The following GRM8 variants were observed in gnomAD, a reference collection of about 807,000 sequenced individuals.
GRM8 encodes the protein glutamate metabotropic receptor 8, also known as metabotropic glutamate receptor 8.
Under a neutral mutation model 87.2 loss-of-function variants are expected in GRM8, and 47 were observed. That is an observed-to-expected ratio of 0.54 (90% CI 0.43 to 0.69). The LOEUF is 0.69. Ranked by LOEUF, GRM8 falls within the 30% of genes least tolerant of loss-of-function variation. The pLI, the probability that GRM8 is intolerant of heterozygous loss-of-function variation, is 0.00. For missense variants in GRM8, 1,019 were observed against 1,139.2 expected, an observed-to-expected ratio of 0.89 and a Z score of 1.52; for synonymous variants, 396 against 404.5, an observed-to-expected ratio of 0.98 and a Z score of 0.25.
At chr7:126,849,198 A>C (rs1334878244) in intron 6 of GRM8, among the ~76,000 whole-genome samples, 1 of 152,134 alleles carries the variant, frequency 6.6e-6, no homozygotes, top group Non-Finnish European at 1.5e-5. Flanking sequence ...AAAAAACAGA[A>C]AGAAAGAAAA....
intron 9 of GRM8, among the ~76,000 whole-genome samples, chr7:126,457,432 T>A (rs994469221): frequency 2.0e-5 from 3 of 151,322 alleles, no homozygotes; most frequent in Non-Finnish European, 4.4e-5. Context: ...CAGAAAAAAA[T>A]TACCAGATGG....
chr7:126,592,261 T>C (rs538421802), intron 8 of GRM8, among the ~76,000 whole-genome samples: 1 of 151,832 alleles, frequency 6.6e-6, no homozygotes, highest in South Asian at 2.1e-4. Flanking sequence ...GAGGGAATAC[T>C]TCCAAATTCA....
intron 3 of GRM8, among the ~76,000 whole-genome samples, chr7:126,917,089 T>C (rs1307635873): frequency 6.6e-6 from 1 of 152,158 alleles, no homozygotes; most frequent in East Asian, 1.9e-4. Flanking sequence ...GATGATCCTA[T>C]CCTGGCCTCC....
chr7:127,041,493 T>C (rs1234450159), intron 3 of GRM8, among the ~76,000 whole-genome samples: 1 of 152,204 alleles, frequency 6.6e-6, no homozygotes, highest in Non-Finnish European at 1.5e-5. Context: ...CGCTATGCTA[T>C]TTGGGGAAAC....
rs182850626 is a variant in GRM8, at chr7:126,604,789, C to T, written c.1494+4573G>A. 3.3e-5 allele frequency among the ~76,000 whole-genome samples: 5 copies of T among 152,222 alleles called. No homozygotes were observed. In the East Asian group the frequency reaches 9.7e-4, roughly 29 times the overall value. On this transcript the variant is annotated intron_variant, in intron 8 of 10. Coordinates refer to ENST00000339582, the MANE Select transcript of GRM8 (RefSeq NM_000845.3). ...GATGAGAAAACTGAGGCTCAAAGCT[C>T]AGTATCCTGTCAGAAGTTTTTCTTC...
intron 2 of GRM8, among the ~76,000 whole-genome samples, chr7:127,233,171 T>G (rs1197897745): frequency 1.3e-5 from 2 of 152,128 alleles, no homozygotes; most frequent in Non-Finnish European, 2.9e-5. Flanking sequence ...ATTAGAGAGA[T>G]AAATTATCTT....
At chr7:126,618,753 G>C (rs1799794987) in intron 7 of GRM8, among the ~76,000 whole-genome samples, 1 of 152,202 alleles carries the variant, frequency 6.6e-6, no homozygotes, top group Non-Finnish European at 1.5e-5. Context: ...CATTTATGCA[G>C]CCAACAGACA....
At chr7:126,691,596 G>A (rs1407731603) in intron 7 of GRM8, among the ~76,000 whole-genome samples, 1 of 152,176 alleles carries the variant, frequency 6.6e-6, no homozygotes, top group Non-Finnish European at 1.5e-5. Flanking sequence ...CTCCAGACAG[G>A]CCGTTGCTGT....
At chr7:127,039,771 G>A (rs1404451623) in intron 3 of GRM8, among the ~76,000 whole-genome samples, 3 of 101,562 alleles carry the variant, frequency 3.0e-5, no homozygotes, top group Admixed American at 1.0e-4. Flanking sequence ...GGTAAGAGAG[G>A]GGAAGGGGAA....
At chr7:126,576,154 C>T (rs1795098700) in intron 8 of GRM8, among the ~76,000 whole-genome samples, 1 of 152,192 alleles carries the variant, frequency 6.6e-6, no homozygotes, top group Non-Finnish European at 1.5e-5. Context: ...ACTAAATTCT[C>T]ACCAACATTT....
At chr7:127,054,350 T>C (rs1819773939) in intron 3 of GRM8, among the ~76,000 whole-genome samples, 1 of 152,182 alleles carries the variant, frequency 6.6e-6, no homozygotes, top group South Asian at 2.1e-4. Flanking sequence ...ACAGTTGACT[T>C]TACTACCTGT....
intron 1 of GRM8, among the ~76,000 whole-genome samples, chr7:127,248,135 A>AAGACCATATT (rs1798674876): frequency 6.6e-6 from 1 of 152,254 alleles, no homozygotes; most frequent in South Asian, 2.1e-4. Context: ...ATTGCACAAA[A>AAGACCATATT]AGACCATATT....
At chr7:127,122,012 A>G (rs760087410) in intron 2 of GRM8, among the ~76,000 whole-genome samples, 4 of 152,206 alleles carry the variant, frequency 2.6e-5, no homozygotes, top group Non-Finnish European at 5.9e-5. Context: ...ATTTGATATC[A>G]AAGAAAAAAA....
chr7:126,839,669 G>C (rs1796101678), intron 6 of GRM8, among the ~76,000 whole-genome samples: 1 of 152,184 alleles, frequency 6.6e-6, no homozygotes, highest in South Asian at 2.1e-4. Context: ...ACTGGGAAAA[G>C]AAATTGGGCT....
intron 7 of GRM8, among the ~76,000 whole-genome samples, chr7:126,728,379 G>A (rs1321995164): frequency 6.6e-6 from 1 of 152,050 alleles, no homozygotes; most frequent in Non-Finnish European, 1.5e-5. Context: ...ACCCCAGCTG[G>A]CTGGCTCACA....
At chr7:126,546,681 C>A (rs1817194282) in intron 8 of GRM8, among the ~76,000 whole-genome samples, 1 of 152,154 alleles carries the variant, frequency 6.6e-6, no homozygotes, top group African/African-American at 2.4e-5. Flanking sequence ...TCACAGGACA[C>A]TTAGAATAAG....
chr7:127,030,913 T>C (rs1028486238), intron 3 of GRM8, among the ~76,000 whole-genome samples: 4 of 152,110 alleles, frequency 2.6e-5, no homozygotes, highest in African/African-American at 9.7e-5. Context: ...CCACTGACCA[T>C]CTTGGCTGAC....
At chr7:126,730,327 AAAAAT>A (rs1813451317) in intron 7 of GRM8, among the ~76,000 whole-genome samples, 1 of 152,188 alleles carries the variant, frequency 6.6e-6, no homozygotes, top group Non-Finnish European at 1.5e-5. Context: ...GGATAGGAAA[AAAAAT>A]AAAATAAGAG....
At chr7:127,119,214 C>T (rs187921963) in intron 2 of GRM8, among the ~76,000 whole-genome samples, 169 of 152,198 alleles carry the variant, frequency 1.1e-3, no homozygotes, top group East Asian at 4.1e-3. Context: ...TGGGGCCAGG[C>T]GTGGTGGCTC....
Sources: allele counts gnomAD v4.1 joint callset (sites outside exome capture counted in the v4.1 genomes callset), GRCh38; gene constraint gnomAD v4.1.1; transcripts MANE v1.5; gene names NCBI Gene and HGNC (gene_info 2026-07-23, HGNC 2026-07-21).